Variants in MMP26 observed in about 807,000 individuals in gnomAD.
MMP26 encodes matrix metallopeptidase 26, also known as matrix metalloproteinase-26.
MMP26 carries 33 observed loss-of-function variants against 31.0 expected under a neutral mutation model. The observed-to-expected ratio is 1.06, with a 90% CI of 0.81 to 1.42. MMP26 has a LOEUF of 1.42. MMP26 is among the 40% of genes most tolerant of loss of function. MMP26 has a pLI of 0.00. For missense variants in MMP26, 347 were observed against 316.1 expected (o/e 1.10, Z -0.74); for synonymous variants, 122 against 114.9 (o/e 1.06, Z -0.40).
Position 4,900,570 on chromosome 11 carries a change from A to C in MMP26, c.-144-87498A>C, listed in dbSNP as rs146876828. ...TCAATTAGGAGCCAATTATGCCACC[A>C]CTGAGGTTGCTTATATCAGAATCTA... On this transcript the variant is annotated intron_variant, in intron 2 of 7. Transcript: ENST00000380390. 2.5e-3 allele frequency among the ~76,000 whole-genome samples: 384 copies of C among 152,310 alleles called. 1 individual carries two copies. Among genetic ancestry groups the C allele is most frequent in the Non-Finnish European group, 4.2e-3 (288 of 68,020 alleles).
chr11:4,795,841 AGG>A (rs1491304095), intron 2 of MMP26, among the ~76,000 whole-genome samples: 10 of 138,982 alleles, frequency 7.2e-5, no homozygotes, highest in African/African-American at 2.7e-4. Flanking sequence ...AGAGAGAGAG[AGG>A]GAGAGAGAGA....
At chr11:4,964,167 T>C (rs1015706832) in intron 2 of MMP26, among the ~76,000 whole-genome samples, 1 of 152,072 alleles carries the variant, frequency 6.6e-6, no homozygotes, top group Non-Finnish European at 1.5e-5. Context: ...TTCGTATCTT[T>C]GTCATGAAAT....
chr11:4,882,914 C>G lies in MMP26; in HGVS notation c.-144-105154C>G, dbSNP rs759567023. The G allele has an allele frequency of 3.8e-6, 6 of 1,562,672 alleles. No homozygotes were observed. The Admixed American group carries it at 7.0e-5, about 18-fold the overall frequency. The stretch of plus-strand genomic sequence containing the variant: ...GGAAATTGTCAGGACACGAATTATG[C>G]TTTGGAAAGAAAGGGACTTGGGGCA... On this transcript the variant is annotated intron_variant, in intron 2 of 7. Transcript: ENST00000380390.
At chr11:4,965,460 AG>A (rs1846579777) in intron 2 of MMP26, among the ~76,000 whole-genome samples, 1 of 152,222 alleles carries the variant, frequency 6.6e-6, no homozygotes. Context: ...AAAATTTTTA[AG>A]AAGGTTAAGG....
intron 2 of MMP26, among the ~76,000 whole-genome samples, chr11:4,783,427 C>T (rs1848892422): frequency 6.6e-6 from 1 of 152,214 alleles, no homozygotes; most frequent in African/African-American, 2.4e-5. Flanking sequence ...TACCCAATGC[C>T]TGTACCCCCA....
intron 2 of MMP26, among the ~76,000 whole-genome samples, chr11:4,866,291 T>G (rs1374605781): frequency 6.6e-6 from 1 of 152,114 alleles, no homozygotes; most frequent in Non-Finnish European, 1.5e-5. Context: ...TCAGTTTAAA[T>G]TCATACAAGT....
intron 2 of MMP26, chr11:4,955,151 T>A: frequency 3.0e-6 from 4 of 1,335,616 alleles, no homozygotes; most frequent in Non-Finnish European, 4.2e-6. Context: ...ACAGGCCAAC[T>A]TCATGACATC....
intron 2 of MMP26, among the ~76,000 whole-genome samples, chr11:4,820,204 C>T (rs896104562): frequency 9.9e-5 from 15 of 152,136 alleles, no homozygotes; most frequent in Admixed American, 7.2e-4. Flanking sequence ...CAGGTTTCAT[C>T]CTCATTTCTT....
intron 2 of MMP26, among the ~76,000 whole-genome samples, chr11:4,981,764 T>C (rs1846816470): frequency 6.6e-6 from 1 of 152,090 alleles, no homozygotes; most frequent in Non-Finnish European, 1.5e-5. Context: ...TGTATAACTG[T>C]AAAAAATTTT....
Position 4,817,018 on chromosome 11 carries a change from ATGTG to A in MMP26, c.-145+49679_-145+49682del, listed in dbSNP as rs1371548415. On this transcript the variant is annotated intron_variant, in intron 2 of 7. Coordinates refer to ENST00000380390, the MANE Select transcript of MMP26 (RefSeq NM_021801.5). Reference sequence around the variant, plus strand: ...GTGGCACGTTTAGTGACATAGGTTGATGTGTCATTATTTTTCTAATCATACCATA... The same window carrying A: ...GTGGCACGTTTAGTGACATAGGTTGATCATTATTTTTCTAATCATACCATA... Among the ~76,000 whole-genome samples, 30 of 151,736 alleles carry A rather than the reference ATGTG, an allele frequency of 2.0e-4. 1 individual carries two copies. Among genetic ancestry groups the A allele is most frequent in the Non-Finnish European group, 3.8e-4 (26 of 67,940 alleles).
intron 2 of MMP26, chr11:4,804,765 T>C (rs1849241577): frequency 3.1e-6 from 1 of 326,032 alleles, no homozygotes; most frequent in African/African-American, 2.3e-5. Flanking sequence ...GCTGACATAG[T>C]GGAACCCCTT....
Position 4,950,683 on chromosome 11 carries a change from A to AG in MMP26, c.-144-37385_-144-37384insG, listed in dbSNP as rs1846363620. ...TAAATTTCTAATGTTCTCATCAAAAAAAAATATTATTATTATATATATCTG... is the reference window on the plus strand; with the variant it reads ...TAAATTTCTAATGTTCTCATCAAAAAGAAAATATTATTATTATATATATCTG... On this transcript the variant is annotated intron_variant, in intron 2 of 7. Transcript: ENST00000380390. Among the ~76,000 whole-genome samples, 2 of 43,706 alleles carry AG rather than the reference A, an allele frequency of 4.6e-5. 1 individual carries two copies. Among genetic ancestry groups the AG allele is most frequent in the Non-Finnish European group, 1.1e-4 (2 of 18,536 alleles). 28.7% of individuals were successfully genotyped at this position (43,706 alleles called of 152,430 possible). A position where few individuals can be genotyped will look rare whatever the true frequency, so the allele number is the denominator to read the frequency against.
At chr11:4,831,817 G>C (rs1033044077) in intron 2 of MMP26, among the ~76,000 whole-genome samples, 2 of 151,782 alleles carry the variant, frequency 1.3e-5, no homozygotes, top group Non-Finnish European at 2.9e-5. Context: ...AAAAAGCAAG[G>C]GTTTCAAAAA....
rs1328654377 is a variant in MMP26, at chr11:4,935,092, T to G, written c.-144-52976T>G. Among the ~76,000 whole-genome samples, 29 of 151,072 alleles carry G rather than the reference T, an allele frequency of 1.9e-4. 1 individual carries two copies. Among genetic ancestry groups the G allele is most frequent in the Middle Eastern group, 3.5e-3 (1 of 286 alleles). On this transcript the variant is annotated intron_variant, in intron 2 of 7. Transcript: ENST00000380390. ...TTGGTTCCATATGAACTTTAAAGTA[T>G]TTTTTTCCAATTCTGTGAAAAAAGT... is the stretch of plus-strand genomic sequence containing the variant.
At chr11:4,879,829 C>T (rs1850433172) in intron 2 of MMP26, among the ~76,000 whole-genome samples, 1 of 152,096 alleles carries the variant, frequency 6.6e-6, no homozygotes, top group Non-Finnish European at 1.5e-5. Flanking sequence ...AATGAGACCT[C>T]TTAGGAAGAG....
intron 2 of MMP26, among the ~76,000 whole-genome samples, chr11:4,800,870 A>C (rs745394658): frequency 0.12 from 18,940 of 152,062 alleles, 2,324 homozygotes; most frequent in African/African-American, 0.31. Flanking sequence ...TTTAAGTTCA[A>C]ACTTTCATAG....
intron 1 of MMP26, among the ~76,000 whole-genome samples, chr11:4,717,938 G>C (rs1198866283): frequency 6.6e-6 from 1 of 152,152 alleles, no homozygotes; most frequent in Non-Finnish European, 1.5e-5. Context: ...TTTCATACTG[G>C]AGGCCCCATA....
rs556136403 is a variant in MMP26, at chr11:4,811,717, G to A, written c.-145+44376G>A. ...TCAACAGAATATGACATCCAGGATAGGACCTGTGGTGTTTCATTTCTGACT... is the reference window on the plus strand; with the variant it reads ...TCAACAGAATATGACATCCAGGATAAGACCTGTGGTGTTTCATTTCTGACT... On this transcript the variant is annotated intron_variant, in intron 2 of 7. Transcript: ENST00000380390. Among the ~76,000 whole-genome samples the A allele has an allele frequency of 8.5e-5, 13 of 152,148 alleles. No individual in the cohort carries two copies. In the East Asian group the frequency reaches 2.1e-3, roughly 25 times the overall value.
chr11:4,789,358 T>G (rs141297251), intron 2 of MMP26, among the ~76,000 whole-genome samples: 2 of 152,146 alleles, frequency 1.3e-5, no homozygotes, highest in South Asian at 2.1e-4. Context: ...ATAAAGTGAT[T>G]TTGGGGTCTC....
Sources: gnomAD v4.1 joint callset for allele counts (sites outside exome capture counted in the v4.1 genomes callset) on GRCh38, gnomAD v4.1.1 for gene constraint, MANE v1.5 for transcripts, NCBI Gene and HGNC (gene_info 2026-07-23, HGNC 2026-07-21) for gene names.